CHCHD3: variants seen among roughly 807,000 people sequenced by gnomAD.
CHCHD3 encodes coiled-coil-helix-coiled-coil-helix domain containing 3.
Under a neutral mutation model 38.2 loss-of-function variants are expected in CHCHD3, and 20 were observed. That is an observed-to-expected ratio of 0.52 (90% CI 0.37 to 0.76). The LOEUF (loss-of-function observed/expected upper bound fraction) is 0.76. Ranked by LOEUF, CHCHD3 falls within the 30% of genes least tolerant of loss-of-function variation. CHCHD3 has a pLI of 0.00. For missense variants in CHCHD3, 245 were observed against 279.2 expected (o/e 0.88, Z 0.87); for synonymous variants, 82 against 100.0 (o/e 0.82, Z 1.07).
intron 4 of CHCHD3, among the ~76,000 whole-genome samples, chr7:132,968,398 A>G (rs1277908306): frequency 2.0e-5 from 3 of 152,186 alleles, no homozygotes; most frequent in Non-Finnish European, 4.4e-5. Context: ...AAAATGTCTA[A>G]CACCTAAATG....
intron 7 of CHCHD3, among the ~76,000 whole-genome samples, chr7:132,787,479 C>A (rs998777027): frequency 1.3e-5 from 2 of 151,672 alleles, no homozygotes; most frequent in African/African-American, 4.8e-5. Context: ...GATGGGGCCA[C>A]CAAGAGAAAC....
chr7:133,068,114 A>AAAAG (rs912830635), intron 2 of CHCHD3, among the ~76,000 whole-genome samples: 2 of 152,096 alleles, frequency 1.3e-5, no homozygotes, highest in African/African-American at 4.8e-5. Flanking sequence ...ACTCCATCTC[A>AAAAG]AAAGAAAAAA....
chr7:132,866,769 G>A (rs963696506), intron 5 of CHCHD3, among the ~76,000 whole-genome samples: 1 of 152,140 alleles, frequency 6.6e-6, no homozygotes, highest in African/African-American at 2.4e-5. Flanking sequence ...TGCCAGACTT[G>A]GCAAGACAGA....
chr7:133,048,030 G>A (rs1378767403), intron 2 of CHCHD3, among the ~76,000 whole-genome samples: 1 of 152,134 alleles, frequency 6.6e-6, no homozygotes, highest in African/African-American at 2.4e-5. Context: ...TGGAGGGTGC[G>A]TGAGCTGAGA....
chr7:132,823,540 C>T (rs1373221075), intron 6 of CHCHD3, among the ~76,000 whole-genome samples: 6 of 152,096 alleles, frequency 3.9e-5, no homozygotes, highest in African/African-American at 7.2e-5. Flanking sequence ...ATATCCTTTT[C>T]GCTACAGTAA....
At chr7:132,865,721 A>G (rs923569122) in intron 5 of CHCHD3, among the ~76,000 whole-genome samples, 1 of 152,154 alleles carries the variant, frequency 6.6e-6, no homozygotes, top group African/African-American at 2.4e-5. Flanking sequence ...TCCTGCTTCT[A>G]ACGAGCAAAG....
At chr7:133,045,223 G>C (rs1813949973) in intron 2 of CHCHD3, among the ~76,000 whole-genome samples, 1 of 152,160 alleles carries the variant, frequency 6.6e-6, no homozygotes, top group African/African-American at 2.4e-5. Flanking sequence ...GGTAAGGATG[G>C]AAGCAACTAC....
intron 5 of CHCHD3, among the ~76,000 whole-genome samples, chr7:132,852,141 G>C (rs574796741): frequency 6.6e-6 from 1 of 152,278 alleles, no homozygotes; most frequent in South Asian, 2.1e-4. Context: ...ATTTATAACA[G>C]ATGCTGATTT....
chr7:132,796,641 A>C, intron 6 of CHCHD3, 64 bp from the exon 7 acceptor site: 1 of 1,451,422 alleles, frequency 6.9e-7, no homozygotes, highest in South Asian at 1.3e-5. Context: ...ATCAAGGTTA[A>C]AGAACACATA....
chr7:132,980,537 T>C (rs1043518037), intron 3 of CHCHD3, among the ~76,000 whole-genome samples: 10 of 152,200 alleles, frequency 6.6e-5, no homozygotes, highest in African/African-American at 2.2e-4. Flanking sequence ...GAGTTTAGTG[T>C]AAACTTTTCT....
intron 2 of CHCHD3, among the ~76,000 whole-genome samples, chr7:133,041,925 G>A (rs1337882234): frequency 3.9e-5 from 6 of 152,166 alleles, no homozygotes; most frequent in South Asian, 2.1e-4. Context: ...TGAGGACTTC[G>A]ACTATCAGCT....
chr7:132,923,856 T>G (rs1018838158), intron 4 of CHCHD3, among the ~76,000 whole-genome samples: 2 of 152,180 alleles, frequency 1.3e-5, no homozygotes, highest in African/African-American at 4.8e-5. Flanking sequence ...GAAGTTCAAC[T>G]TGATTTAGAG....
chr7:132,994,918 G>A (rs7784869), intron 3 of CHCHD3, among the ~76,000 whole-genome samples: 31,651 of 152,050 alleles, frequency 0.21, 3,571 homozygotes, highest in South Asian at 0.26. Flanking sequence ...GCTCCACAGC[G>A]CATTCTCCTT....
intron 5 of CHCHD3, among the ~76,000 whole-genome samples, chr7:132,873,483 G>A (rs900577679): frequency 2.0e-5 from 3 of 149,604 alleles, no homozygotes; most frequent in Non-Finnish European, 4.4e-5. Context: ...GCGCAATCTC[G>A]GCTCCCTGCA....
At chr7:132,945,224 TG>T (rs1409773791) in intron 4 of CHCHD3, among the ~76,000 whole-genome samples, 13 of 151,956 alleles carry the variant, frequency 8.6e-5, no homozygotes, top group African/African-American at 2.4e-4. Flanking sequence ...GGGTTTTCAT[TG>T]TTTTAAAAAT....
At position 132,990,320 on chromosome 7, in the gene CHCHD3, C is replaced by T. The variant is rs537028591; in HGVS notation, c.252-15034G>A. 2.2e-4 allele frequency among the ~76,000 whole-genome samples: 34 copies of T among 152,302 alleles called. No homozygotes were observed. In the South Asian group the frequency reaches 3.5e-3, roughly 16 times the overall value. On this transcript the variant is annotated intron_variant, in intron 3 of 7. Coordinates refer to ENST00000262570, the MANE Select transcript of CHCHD3 (RefSeq NM_017812.4). ...TCCTTCACTGGAATGGGCACTGCTGCTATGTATTTACTAAGATGCTGGAGC... is the reference window on the plus strand; with the variant it reads ...TCCTTCACTGGAATGGGCACTGCTGTTATGTATTTACTAAGATGCTGGAGC...
chr7:132,832,260 C>A (rs1807669311), intron 6 of CHCHD3, among the ~76,000 whole-genome samples: 1 of 152,152 alleles, frequency 6.6e-6, no homozygotes, highest in Non-Finnish European at 1.5e-5. Context: ...ACCTAAGCTT[C>A]TTCTATGAGC....
chr7:132,969,295 G>A (rs1284812428), intron 4 of CHCHD3, among the ~76,000 whole-genome samples: 1 of 151,986 alleles, frequency 6.6e-6, no homozygotes, highest in East Asian at 1.9e-4. Context: ...AAAGCAACCA[G>A]ATCTAATTCA....
At chr7:132,925,988 G>C (rs1810368402) in intron 4 of CHCHD3, among the ~76,000 whole-genome samples, 1 of 152,170 alleles carries the variant, frequency 6.6e-6, no homozygotes, top group South Asian at 2.1e-4. Flanking sequence ...TTAGAAAAAT[G>C]GCCAGAGATG....
Sources: allele counts gnomAD v4.1 joint callset (sites outside exome capture counted in the v4.1 genomes callset), GRCh38; gene constraint gnomAD v4.1.1; transcripts MANE v1.5; gene names NCBI Gene and HGNC (gene_info 2026-07-23, HGNC 2026-07-21).